The following TNFRSF25 variants were observed in gnomAD, a reference collection of about 807,000 sequenced individuals.
TNFRSF25 encodes TNF receptor superfamily member 25.
In TNFRSF25, 28 loss-of-function variants were observed where a neutral mutation model predicts 49.4. The observed-to-expected ratio is 0.57, with a 90% CI of 0.42 to 0.78. The LOEUF is 0.78. TNFRSF25 is among the 30% of genes least tolerant of loss of function. The pLI is 0.00. For missense variants in TNFRSF25, 531 were observed against 581.6 expected (o/e 0.91, Z 0.90); for synonymous variants, 240 against 234.2 (o/e 1.02, Z -0.23).
chr1:6,462,791 G>T lies in TNFRSF25; in HGVS notation c.706+72C>A. ...TGCCTCAGTTTCCCCTTCTGTATCA[G>T]GGTTGAGTAGACTCTGGGCTACCCA... On this transcript the variant is annotated intron_variant, in intron 7 of 9. Transcript: ENST00000356876. This position sits in a 1 kb window ranked among gnomAD's most constrained non-coding sequence, Gnocchi z 4.2. The T allele has an allele frequency of 1.3e-6, 2 of 1,567,430 alleles. No homozygotes were observed. Among genetic ancestry groups the T allele is most frequent in the Non-Finnish European group, 1.7e-6 (2 of 1,154,880 alleles).
chr1:6,464,240 C>T (rs1254435929), intron 5 of TNFRSF25, 135 bp downstream of exon 5: 10 of 1,497,892 alleles, frequency 6.7e-6, no homozygotes, highest in African/African-American at 1.4e-5. Context: ...AAGTGGGGCC[C>T]ACCCATCACA....
At chr1:6,465,606 G>T in intron 1 of TNFRSF25, 46 bp from the exon 2 acceptor site, 2 of 1,591,640 alleles carry the variant, frequency 1.3e-6, no homozygotes, top group Non-Finnish European at 8.6e-7. Flanking sequence ...GCCCACGTGG[G>T]GCCTCTCCCT....
Position 6,461,371 on chromosome 1 carries a change from G to A in TNFRSF25, c.*63C>T. On this transcript the variant is annotated 3_prime_UTR_variant, in exon 10 of 10. Transcript: ENST00000356876. The surrounding 1 kb of genome is among the most constrained non-coding windows in gnomAD (Gnocchi z 6.3). The stretch of plus-strand genomic sequence containing the variant: ...TGACATAAAATGTCTACACGCATAA[G>A]TAACCGTACTTAGGGCTTCTGCAAG... The A allele has an allele frequency of 6.8e-7, 1 of 1,469,724 alleles. No individual in the cohort carries two copies. Among genetic ancestry groups the A allele is most frequent in the Non-Finnish European group, 9.1e-7 (1 of 1,104,560 alleles). 91.0% of individuals were successfully genotyped at this position (1,469,724 alleles called of 1,614,324 possible).
In TNFRSF25 at chr1:6,460,792, C is replaced by G. The variant is rs890547282; in HGVS notation, c.*642G>C. ...TGCGCCCCGTCCCCAGCCAGACCCA[C>G]TCGCTGCCGGGACCCTTTCACTGCC... On this transcript the variant is annotated 3_prime_UTR_variant, in exon 10 of 10. Transcript: ENST00000356876. 1 of 205,542 alleles carries G rather than the reference C, an allele frequency of 4.9e-6. No individual in the cohort carries two copies. Among genetic ancestry groups the G allele is most frequent in the African/African-American group, 2.4e-5 (1 of 42,222 alleles). The allele number at this position is 205,542 out of a possible 1,614,324, so 12.7% of individuals were successfully genotyped here.
Position 6,466,094 on chromosome 1 carries a change from G to A in TNFRSF25, c.14C>T (p.Pro5Leu), listed in dbSNP as rs760617028. Residue 5 changes from proline to leucine, a missense_variant, in exon 1 of 10, where the codon CCG becomes CTG. By Grantham distance (98) the Pro-to-Leu change is moderately conservative (BLOSUM62 -3). Coordinates refer to ENST00000356876, the MANE Select transcript of TNFRSF25 (RefSeq NM_003790.3). MEQR[P>L]RGCAAVAAAL... is the part of the protein sequence containing the mutation. ...CGCCGCCACCGCCGCGCAGCCCCGCGGCCGCTGCTCCATAGCCCTCCGACG... is the reference window on the plus strand; with the variant it reads ...CGCCGCCACCGCCGCGCAGCCCCGCAGCCGCTGCTCCATAGCCCTCCGACG... The A allele has an allele frequency of 6.4e-7, 1 of 1,574,220 alleles. No homozygotes were observed. The highest frequency in any genetic ancestry group is 8.6e-7 in the Non-Finnish European group (1 of 1,163,012).
Position 6,461,372 on chromosome 1 carries a change from TAACC to T in TNFRSF25, c.*58_*61del. 1.4e-6 allele frequency: 2 copies of T among 1,468,942 alleles called. No individual in the cohort carries two copies. Among genetic ancestry groups the T allele is most frequent in the South Asian group, 2.8e-5 (2 of 71,056 alleles). The allele number at this position is 1,468,942 out of a possible 1,614,324, so 91.0% of individuals were successfully genotyped here. On this transcript the variant is annotated 3_prime_UTR_variant, in exon 10 of 10. Transcript: ENST00000356876. The surrounding 1 kb of genome is among the most constrained non-coding windows in gnomAD (Gnocchi z 6.3). ...GACATAAAATGTCTACACGCATAAGTAACCGTACTTAGGGCTTCTGCAAGGGCCA... is the reference window on the plus strand; with the variant it reads ...GACATAAAATGTCTACACGCATAAGTGTACTTAGGGCTTCTGCAAGGGCCA...
Position 6,462,141 on chromosome 1 carries a change from T to C in TNFRSF25, c.778A>G (p.Thr260Ala). The change falls in exon 9 of 10, where the codon ACC becomes GCC. Residue 260 changes from threonine to alanine, a missense_variant. By Grantham distance (58) the Thr-to-Ala change is moderately conservative. Transcript: ENST00000356876. The surrounding 1 kb of genome is among the most constrained non-coding windows in gnomAD (Gnocchi z 4.2). Reference sequence around the variant, plus strand: ...CTGCTGTCAGGAGGTGCTAGAAGGGTGTGGGCGCTGTCCAAGGGTGACAGA... The same window carrying C: ...CTGCTGTCAGGAGGTGCTAGAAGGGCGTGGGCGCTGTCCAAGGGTGACAGA... Reference protein sequence around the residue: ...THLSPLDSAHTLLAPPDSSEK... With the variant: ...THLSPLDSAHALLAPPDSSEK... 6.2e-7 allele frequency: 1 copy of C among 1,612,814 alleles called. No homozygotes were observed. Among genetic ancestry groups the C allele is most frequent in the Non-Finnish European group, 8.5e-7 (1 of 1,179,538 alleles).
At chr1:6,465,415 C>T (rs371514644) in intron 2 of TNFRSF25, 25 bp downstream of exon 2, 8 of 1,613,636 alleles carry the variant, frequency 5.0e-6, no homozygotes, top group Non-Finnish European at 6.8e-6. Flanking sequence ...TGCCCCATGC[C>T]TCTCCCACCC....
intron 3 of TNFRSF25, 85 bp downstream of exon 3, chr1:6,465,003 C>A (rs1644301992): frequency 1.3e-6 from 2 of 1,548,440 alleles, no homozygotes; most frequent in East Asian, 2.3e-5. Context: ...GACCCTCACA[C>A]CCCAAGTTTG....
chr1:6,462,281 C>T lies in TNFRSF25; in HGVS notation c.745-107G>A. 1 of 1,391,000 alleles carries T rather than the reference C, an allele frequency of 7.2e-7. No homozygotes were observed. Among genetic ancestry groups the T allele is most frequent in the Non-Finnish European group, 9.7e-7 (1 of 1,035,258 alleles). The allele number at this position is 1,391,000 out of a possible 1,614,324, so 86.2% of individuals were successfully genotyped here. On this transcript the variant is annotated intron_variant, in intron 8 of 9. Coordinates refer to ENST00000356876, the MANE Select transcript of TNFRSF25 (RefSeq NM_003790.3). The surrounding 1 kb of genome is among the most constrained non-coding windows in gnomAD (Gnocchi z 4.2). ...GTCCCTGGTTCAGTCAGCAGACACC[C>T]CCGCAATGACACCTCCCACAGTTGG...
At chr1:6,464,280 C>G (rs1300873398) in intron 5 of TNFRSF25, 95 bp downstream of exon 5, 1 of 1,540,650 alleles carries the variant, frequency 6.5e-7, no homozygotes, top group Non-Finnish European at 8.8e-7. Flanking sequence ...CCTATCCCCT[C>G]TTCCTATTCC....
In TNFRSF25 at chr1:6,465,503, A is replaced by T. The variant is rs749414761; in HGVS notation, c.97T>A (p.Cys33Ser). 1 of 1,613,654 alleles carries T rather than the reference A, an allele frequency of 6.2e-7. No individual in the cohort carries two copies. The highest frequency in any genetic ancestry group is 8.5e-7 in the Non-Finnish European group (1 of 1,179,970). ...RAQGGTRSPR[C>S]DCAGDFHKKI... is the part of the protein sequence containing the mutation. ...TTGTGGAAGTCACCGGCACAGTCACACCTGGGGCTACGAGTGCCGCCCTGG... is the reference window on the plus strand; with the variant it reads ...TTGTGGAAGTCACCGGCACAGTCACTCCTGGGGCTACGAGTGCCGCCCTGG... The change falls in exon 2 of 10, where the codon TGT becomes AGT. Residue 33 changes from cysteine (C) to serine (S), a missense_variant. Coordinates refer to ENST00000356876, the MANE Select transcript of TNFRSF25 (RefSeq NM_003790.3).
chr1:6,463,311 T>C (rs1445378208), intron 5 of TNFRSF25, 184 bp from the exon 6 acceptor site: 11 of 634,050 alleles, frequency 1.7e-5, no homozygotes. Context: ...GAGCTTCTTC[T>C]AGACTACATG....
intron 5 of TNFRSF25, 31 bp downstream of exon 5, chr1:6,464,344 T>C (rs1433115291): frequency 4.4e-6 from 7 of 1,586,454 alleles, no homozygotes; most frequent in South Asian, 1.1e-5. Flanking sequence ...CCAGCCGCCC[T>C]TCCCTCCATC....
rs755443430 is a variant in TNFRSF25, at chr1:6,466,144, G to A, written c.-37C>T. On this transcript the variant is annotated 5_prime_UTR_variant, in exon 1 of 10. In the 5' UTR this introduces an upstream ATG that the reference lacks. Transcript: ENST00000356876. ...GGGCGCCCAGGGGCTTCCCGGCTCC[G>A]TGCTCTCTGCCCGTCGTGGTTCCGC... is the stretch of plus-strand genomic sequence containing the variant. The A allele has an allele frequency of 8.2e-7, 1 of 1,217,800 alleles. No individual in the cohort carries two copies. Among genetic ancestry groups the A allele is most frequent in the Non-Finnish European group, 1.0e-6 (1 of 961,956 alleles). 75.4% of individuals were successfully genotyped at this position (1,217,800 alleles called of 1,614,324 possible). A position where few individuals can be genotyped will look rare whatever the true frequency, so the allele number is the denominator to read the frequency against.
rs775834427 is a variant in TNFRSF25, at chr1:6,462,568, T to C, written c.744+61A>G. 8.9e-5 allele frequency: 141 copies of C among 1,589,474 alleles called. No individual in the cohort carries two copies. The highest frequency in any genetic ancestry group is 1.1e-4 in the Non-Finnish European group (132 of 1,168,854). ...GCCGCGTGCCAAGCTCCAGGGATCA[T>C]AGTAAGGCTTGATCTTCCAGCTCCA... is the stretch of plus-strand genomic sequence containing the variant. On this transcript the variant is annotated intron_variant, in intron 8 of 9. Coordinates refer to ENST00000356876, the MANE Select transcript of TNFRSF25 (RefSeq NM_003790.3). This position sits in a 1 kb window ranked among gnomAD's most constrained non-coding sequence, Gnocchi z 4.2.
At chr1:6,465,255 G>C (rs777921254) in intron 2 of TNFRSF25, 33 bp from the exon 3 acceptor site, 2 of 1,590,160 alleles carry the variant, frequency 1.3e-6, no homozygotes, top group Non-Finnish European at 1.7e-6. Context: ...GGCAGGCAGA[G>C]GGGCTGCCCA....
Position 6,465,569 on chromosome 1 carries a change from C to A in TNFRSF25, c.40-9G>T, listed in dbSNP as rs45510796. ...AGCACCAGGAGGAGCGCCTGGGGGA[C>A]AGGTGCTGCTGACTCTCAGCGCAGC... On this transcript the variant is annotated splice_polypyrimidine_tract_variant and intron_variant, in intron 1 of 9. Transcript: ENST00000356876. 12 of 1,611,172 alleles carry A rather than the reference C, an allele frequency of 7.4e-6. No homozygotes were observed. In the South Asian group the frequency reaches 1.3e-4, roughly 18 times the overall value.
intron 1 of TNFRSF25, 57 bp downstream of exon 1, chr1:6,466,012 C>T: frequency 6.5e-7 from 1 of 1,538,378 alleles, no homozygotes; most frequent in Non-Finnish European, 8.8e-7. Context: ...CCTTCCTTCA[C>T]CGAGGCTCTT....
Sources: gnomAD v4.1 joint callset for allele counts on GRCh38, gnomAD v4.1.1 for gene constraint, Gnocchi (gnomAD v3.1) non-coding constraint, MANE v1.5 for transcripts, NCBI Gene and HGNC (gene_info 2026-07-23, HGNC 2026-07-21) for gene names.